Variants in MMP28 observed in about 807,000 individuals in gnomAD.
MMP28 encodes the protein matrix metalloproteinase-28.
MMP28 carries 55 observed loss-of-function variants against 60.5 expected under a neutral mutation model. The ratio of observed to expected loss-of-function variants is 0.91; its 90% confidence interval spans 0.73 to 1.14. The LOEUF (loss-of-function observed/expected upper bound fraction) is 1.14. Among genes scored for constraint, MMP28 ranks in the 50% most tolerant of loss-of-function variants. MMP28 has a pLI of 0.00. For synonymous variants in MMP28, 318 were observed against 312.5 expected, an observed-to-expected ratio of 1.02 and a Z score of -0.18; for missense variants, 686 against 738.3, an observed-to-expected ratio of 0.93 and a Z score of 0.82.
rs118098940 is a variant in MMP28 at position 35,773,322 on chromosome 17, G to C, written c.462C>G (p.Ala154=). ...TCCACAACTGGAAGGCGGCGCGCAC[G>C]GCGCCCCGAACTGCCGGCTCCGGCA... ...EHLPEPAVRG[A]VRAAFQLWSN... Residue 154 remains alanine, a synonymous_variant, in exon 4 of 8, where the codon GCC becomes GCG. Transcript: ENST00000605424. 1 of 1,613,074 alleles carries C rather than the reference G, an allele frequency of 6.2e-7. No homozygotes were observed. Among genetic ancestry groups the C allele is most frequent in the Non-Finnish European group, 8.5e-7 (1 of 1,179,562 alleles).
rs114955966 is a variant in MMP28 at position 35,774,609 on chromosome 17, C to T, written c.380-1205G>A. ...GGGAGGGTCTTGGAGAGCAGAGGAG[C>T]TGGACTCTCTTCTCCTCACCAATGC... On this transcript the variant is annotated intron_variant, in intron 3 of 7. Coordinates refer to ENST00000605424, the MANE Select transcript of MMP28 (RefSeq NM_024302.5). Among the ~76,000 whole-genome samples, 970 of 152,334 alleles carry T rather than the reference C, an allele frequency of 6.4e-3. 11 individuals carry two copies. The highest frequency in any genetic ancestry group is 0.022 in the African/African-American group (927 of 41,570).
At chr17:35,765,614 A>G (rs973159647), downstream of MMP28, among the ~76,000 whole-genome samples, 10 of 152,348 alleles carry the variant, frequency 6.6e-5, no homozygotes, top group South Asian at 2.1e-3. Context: ...CAGCGCCTGC[A>G]GCGTTGCAGA....
chr17:35,757,119 C>G (rs1555600630), intron 2 of MMP28: 1 of 151,538 alleles, frequency 6.6e-6, no homozygotes, highest in African/African-American at 2.4e-5. Flanking sequence ...CCACTGCATT[C>G]CAGCCTGGGT....
Position 35,766,317 on chromosome 17 carries a change from G to A in MMP28, c.*183C>T. The stretch of plus-strand genomic sequence containing the variant: ...TCCCACCCCCACCTCCATGTGGTGG[G>A]GACAGACAAAGACAATGCTGCATTC... On this transcript the variant is annotated 3_prime_UTR_variant, in exon 8 of 8. Coordinates refer to ENST00000605424, the MANE Select transcript of MMP28 (RefSeq NM_024302.5). The surrounding 1 kb of genome is among the most constrained non-coding windows in gnomAD (Gnocchi z 4.3). 7.2e-7 allele frequency: 1 copy of A among 1,393,364 alleles called. No individual in the cohort carries two copies. Among genetic ancestry groups the A allele is most frequent in the East Asian group, 2.5e-5 (1 of 39,218 alleles). 86.3% of individuals were successfully genotyped at this position (1,393,364 alleles called of 1,614,324 possible).
At chr17:35,777,086 TC>T (rs1555607824) in intron 3 of MMP28, among the ~76,000 whole-genome samples, 1 of 152,212 alleles carries the variant, frequency 6.6e-6, no homozygotes, top group African/African-American at 2.4e-5. Flanking sequence ...ACAAGCCCCT[TC>T]CACCTGGTAA....
At chr17:35,768,146 C>T in intron 6 of MMP28, 84 bp downstream of exon 6, 3 of 1,482,512 alleles carry the variant, frequency 2.0e-6, no homozygotes, top group Non-Finnish European at 1.8e-6. Context: ...TACAGTCCAT[C>T]CCCCCAACTT....
chr17:35,764,092 G>A (rs1555602113), downstream of MMP28: 4 of 1,550,088 alleles, frequency 2.6e-6, no homozygotes, highest in South Asian at 1.2e-5. Flanking sequence ...AGGGGTCGGA[G>A]GACGAGGACG....
intron 1 of MMP28, among the ~76,000 whole-genome samples, chr17:35,785,470 CAG>C (rs2086620016): frequency 6.6e-6 from 1 of 152,078 alleles, no homozygotes; most frequent in South Asian, 2.1e-4. Flanking sequence ...ATTATTGAGA[CAG>C]AGTCTCACTC....
chr17:35,779,468 T>C (rs1317118696), intron 1 of MMP28, 145 bp from the exon 2 acceptor site: 2 of 643,512 alleles, frequency 3.1e-6, no homozygotes, highest in Admixed American at 5.8e-5. Context: ...GAATGAGTTC[T>C]GGGATTAAAG....
chr17:35,794,901 T>C (rs1263215122), intron 1 of MMP28, among the ~76,000 whole-genome samples: 1 of 152,162 alleles, frequency 6.6e-6, no homozygotes, highest in Non-Finnish European at 1.5e-5. Context: ...AGCACCAAAC[T>C]GAGGCTTCCA....
At chr17:35,770,714 ATGTGTGTGTGTG>A (rs56074641) in intron 4 of MMP28, among the ~76,000 whole-genome samples, 2 of 147,546 alleles carry the variant, frequency 1.4e-5, no homozygotes, top group Admixed American at 6.7e-5. Flanking sequence ...TGAATAATAA[ATGTGTGTGTGTG>A]TGTGTGTGTG....
rs1470345326 is a variant in MMP28, at chr17:35,793,634, G to C, written c.111+1633C>G. Among the ~76,000 whole-genome samples, 6 of 152,108 alleles carry C rather than the reference G, an allele frequency of 3.9e-5. No individual in the cohort carries two copies. In the South Asian group the frequency reaches 1.2e-3, roughly 32 times the overall value. ...TGGGTGATGGAAGGATGAGGCATTCGGAGAGGGCCCTCTTCATTCTGCAGT... is the reference window on the plus strand; with the variant it reads ...TGGGTGATGGAAGGATGAGGCATTCCGAGAGGGCCCTCTTCATTCTGCAGT... On this transcript the variant is annotated intron_variant, in intron 1 of 7. Coordinates refer to ENST00000605424, the MANE Select transcript of MMP28 (RefSeq NM_024302.5).
At chr17:35,767,647 A>G (rs2085986077) in intron 7 of MMP28, 105 bp downstream of exon 7, 5 of 1,351,810 alleles carry the variant, frequency 3.7e-6, no homozygotes, top group African/African-American at 1.5e-5. Flanking sequence ...AGACTCCACC[A>G]TGGACTCGTG....
chr17:35,757,863 T>C (rs1270221150), intron 2 of MMP28, among the ~76,000 whole-genome samples: 1 of 152,174 alleles, frequency 6.6e-6, no homozygotes, highest in Non-Finnish European at 1.5e-5. Flanking sequence ...TATTGTGCAC[T>C]GCAGCTTCAA....
At chr17:35,787,383 G>A (rs2086682804) in intron 1 of MMP28, among the ~76,000 whole-genome samples, 1 of 152,226 alleles carries the variant, frequency 6.6e-6, no homozygotes, top group Non-Finnish European at 1.5e-5. Context: ...GGGCAGTGGG[G>A]TTAACTCAGC....
intron 4 of MMP28, among the ~76,000 whole-genome samples, chr17:35,770,714 A>ATGTGTGTGTGTGTGTG (rs56074641): frequency 2.5e-4 from 37 of 147,650 alleles, no homozygotes; most frequent in African/African-American, 9.0e-4. Context: ...TGAATAATAA[A>ATGTGTGTGTGTGTGTG]TGTGTGTGTG....
intron 3 of MMP28, among the ~76,000 whole-genome samples, chr17:35,778,320 T>A (rs2143417004): frequency 6.6e-6 from 1 of 152,194 alleles, no homozygotes; most frequent in South Asian, 2.1e-4. Flanking sequence ...GGGGAATGAC[T>A]GCTAATGGGC....
At chr17:35,787,899 C>CTTT (rs532350874) in intron 1 of MMP28, among the ~76,000 whole-genome samples, 176 of 104,380 alleles carry the variant, frequency 1.7e-3, no homozygotes, top group Non-Finnish European at 2.2e-3. Context: ...TTTTCTTTCC[C>CTTT]TTTTTTTTTT....
At chr17:35,764,190 G>A, downstream of MMP28, 1 of 1,548,024 alleles carries the variant, frequency 6.5e-7, no homozygotes, top group Non-Finnish European at 8.7e-7. Flanking sequence ...CGCGAGCGGC[G>A]CTCAGTGTCC....
Sources: allele counts gnomAD v4.1 joint callset (sites outside exome capture counted in the v4.1 genomes callset), GRCh38; gene constraint gnomAD v4.1.1; non-coding constraint Gnocchi (gnomAD v3.1); transcripts MANE v1.5; gene names NCBI Gene and HGNC (gene_info 2026-07-23, HGNC 2026-07-21).